Variants in MYRFL observed in about 807,000 individuals in gnomAD.
The protein encoded by MYRFL is myelin regulatory factor-like protein.
Under a neutral mutation model 109.4 loss-of-function variants are expected in MYRFL, and 88 were observed. The observed-to-expected ratio is 0.80, with a 90% confidence interval of 0.68 to 0.96. MYRFL has a LOEUF of 0.96. MYRFL is among the 40% of genes least tolerant of loss of function. The pLI, the probability that MYRFL is intolerant of heterozygous loss-of-function variation, is 0.00. For missense variants in MYRFL, 957 were observed against 954.9 expected (o/e 1.00, Z -0.03); for synonymous variants, 324 against 320.9 (o/e 1.01, Z -0.10).
chr12:69,890,190 A>G (rs1886713535), intron 6 of MYRFL, among the ~76,000 whole-genome samples: 1 of 152,218 alleles, frequency 6.6e-6, no homozygotes, highest in Admixed American at 6.5e-5. Flanking sequence ...GTGATCATCA[A>G]TAGGCTGAAT....
chr12:69,935,956 A>G, intron 16 of MYRFL, 157 bp from the exon 17 acceptor site: 1 of 783,242 alleles, frequency 1.3e-6, no homozygotes, highest in Non-Finnish European at 2.0e-6. Context: ...GCTGGTTTCC[A>G]TGGTGTTTCT....
intron 11 of MYRFL, among the ~76,000 whole-genome samples, chr12:69,909,685 G>A (rs906157235): frequency 1.8e-4 from 28 of 152,268 alleles, no homozygotes; most frequent in Admixed American, 9.2e-4. Context: ...CTGGGACCCC[G>A]TAGTGACAGT....
chr12:69,895,291 C>G, intron 8 of MYRFL, 80 bp from the exon 9 acceptor site: 1 of 1,057,816 alleles, frequency 9.5e-7, no homozygotes, highest in South Asian at 1.5e-5. Flanking sequence ...AGATGAGAGT[C>G]TGAAAGTGGA....
chr12:69,918,776 T>A (rs1177777945), intron 13 of MYRFL, among the ~76,000 whole-genome samples: 1 of 152,224 alleles, frequency 6.6e-6, no homozygotes, highest in Non-Finnish European at 1.5e-5. Flanking sequence ...TTTGATTCAG[T>A]GTTTCATTGG....
chr12:69,884,652 G>A (rs74101367), intron 5 of MYRFL, among the ~76,000 whole-genome samples: 4,391 of 152,248 alleles, frequency 0.029, 218 homozygotes, highest in African/African-American at 0.1. Flanking sequence ...TTTCACATTC[G>A]ATAGAGCTAC....
chr12:69,931,828 T>C (rs972478466), intron 15 of MYRFL, among the ~76,000 whole-genome samples: 4 of 152,336 alleles, frequency 2.6e-5, no homozygotes, highest in Middle Eastern at 3.4e-3. Flanking sequence ...CAAGTTTTTA[T>C]ACCAATATGT....
chr12:69,901,158 C>T (rs1460100302), intron 10 of MYRFL, among the ~76,000 whole-genome samples: 1 of 152,124 alleles, frequency 6.6e-6, no homozygotes, highest in East Asian at 1.9e-4. Flanking sequence ...GGTCTCTTCC[C>T]TAAATAAGAG....
chr12:69,932,662 C>T, intron 16 of MYRFL, 64 bp downstream of exon 16: 1 of 1,208,860 alleles, frequency 8.3e-7, no homozygotes, highest in Non-Finnish European at 1.2e-6. Context: ...TTTCTTTTAT[C>T]ACATATGAAC....
At chr12:69,869,921 G>A (rs1039142741) in intron 2 of MYRFL, among the ~76,000 whole-genome samples, 2 of 152,136 alleles carry the variant, frequency 1.3e-5, no homozygotes. Flanking sequence ...CAACTAGCTG[G>A]AGGGCAAAGT....
Position 69,834,582 on chromosome 12 carries a change from A to T in MYRFL, c.46+9019A>T, listed in dbSNP as rs78401755. On this transcript the variant is annotated intron_variant, in intron 1 of 24. Coordinates refer to ENST00000552032, the MANE Select transcript of MYRFL (RefSeq NM_182530.3). Reference sequence around the variant, plus strand: ...ATAAAACGTTAAAATGACAGAATAAATGGTAGTGGTTTTTATTATAGTATT... The same window carrying T: ...ATAAAACGTTAAAATGACAGAATAATTGGTAGTGGTTTTTATTATAGTATT... 7.8e-3 allele frequency among the ~76,000 whole-genome samples: 1,188 copies of T among 152,338 alleles called. 17 individuals carry two copies. The highest frequency in any genetic ancestry group is 0.026 in the African/African-American group (1,094 of 41,582).
intron 13 of MYRFL, among the ~76,000 whole-genome samples, chr12:69,925,607 T>A (rs1184620682): frequency 6.6e-6 from 1 of 152,076 alleles, no homozygotes; most frequent in African/African-American, 2.4e-5. Context: ...TGTGAGTTGA[T>A]AAGAGCTTTC....
intron 15 of MYRFL, among the ~76,000 whole-genome samples, chr12:69,931,072 A>G (rs1955257501): frequency 6.6e-6 from 1 of 152,288 alleles, no homozygotes; most frequent in Admixed American, 6.5e-5. Flanking sequence ...TGATAAAGAA[A>G]ATGAGGATCA....
intron 6 of MYRFL, among the ~76,000 whole-genome samples, chr12:69,887,301 T>G (rs1432960616): frequency 6.6e-6 from 1 of 152,220 alleles, no homozygotes; most frequent in Non-Finnish European, 1.5e-5. Context: ...CACTTAATCC[T>G]GCAGTTAACT....
intron 19 of MYRFL, among the ~76,000 whole-genome samples, chr12:69,949,883 A>T (rs1955934634): frequency 6.6e-6 from 1 of 152,150 alleles, no homozygotes; most frequent in African/African-American, 2.4e-5. Flanking sequence ...CTTTATTCCT[A>T]TCCACAAGCT....
intron 1 of MYRFL, among the ~76,000 whole-genome samples, chr12:69,852,851 C>T (rs972651941): frequency 2.0e-5 from 3 of 151,984 alleles, no homozygotes; most frequent in African/African-American, 7.2e-5. Flanking sequence ...CGCCCTTAAT[C>T]CATTTAACCC....
intron 15 of MYRFL, among the ~76,000 whole-genome samples, chr12:69,931,322 G>A (rs541228070): frequency 6.6e-6 from 1 of 152,222 alleles, no homozygotes; most frequent in South Asian, 2.1e-4. Flanking sequence ...GACGTCCTCC[G>A]AACAGTTTCT....
At chr12:69,949,126 C>T (rs1225582566) in intron 19 of MYRFL, among the ~76,000 whole-genome samples, 1 of 151,944 alleles carries the variant, frequency 6.6e-6, no homozygotes, top group East Asian at 1.9e-4. Context: ...GTCATTCCAC[C>T]TAGTGAAAGG....
chr12:69,907,606 C>T (rs925705125), intron 11 of MYRFL, among the ~76,000 whole-genome samples: 5 of 152,166 alleles, frequency 3.3e-5, no homozygotes, highest in African/African-American at 1.2e-4. Flanking sequence ...TCCTGATTGA[C>T]CCTCTCTCTT....
intron 8 of MYRFL, 67 bp from the exon 9 acceptor site, chr12:69,895,304 A>T: frequency 8.7e-7 from 1 of 1,146,458 alleles, no homozygotes; most frequent in Non-Finnish European, 1.2e-6. Flanking sequence ...AAAGTGGATT[A>T]GATATGATCA....
Sources: gnomAD v4.1 joint callset for allele counts (sites outside exome capture counted in the v4.1 genomes callset) on GRCh38, gnomAD v4.1.1 for gene constraint, MANE v1.5 for transcripts, NCBI Gene and HGNC (gene_info 2026-07-23, HGNC 2026-07-21) for gene names.